Variants in RPS6KA2 observed in about 807,000 individuals in gnomAD.
RPS6KA2 encodes the protein ribosomal protein S6 kinase A2, also known as ribosomal protein S6 kinase alpha-2.
In RPS6KA2, 42 loss-of-function variants were observed where a neutral mutation model predicts 91.8. That is an observed-to-expected ratio of 0.46 (90% CI 0.36 to 0.59). RPS6KA2 has a LOEUF of 0.59. RPS6KA2 is among the 20% of genes least tolerant of loss of function. RPS6KA2 has a pLI of 0.00. For synonymous variants in RPS6KA2, 414 were observed against 393.6 expected, an observed-to-expected ratio of 1.05 and a Z score of -0.61; for missense variants, 798 against 978.5, an observed-to-expected ratio of 0.82 and a Z score of 2.46.
At chr6:166,545,828 T>G (rs964266642) in intron 1 of RPS6KA2, among the ~76,000 whole-genome samples, 5 of 152,222 alleles carry the variant, frequency 3.3e-5, no homozygotes, top group African/African-American at 1.2e-4. Flanking sequence ...CTGAAAGTTG[T>G]GCTTATAAAC....
At chr6:166,425,174 C>CTT (rs1486505555) in intron 16 of RPS6KA2, among the ~76,000 whole-genome samples, 1 of 152,144 alleles carries the variant, frequency 6.6e-6, no homozygotes, top group Non-Finnish European at 1.5e-5. Context: ...TTCCCATAGA[C>CTT]TTAGCTTCCC....
Position 166,767,833 on chromosome 6 carries a change from C to T in RPS6KA2, c.123+90367G>A, listed in dbSNP as rs577559627. ...CACACACACCCTGGTGTCAGGCAGCCGGCCACCACAGAGTGTGTGCGGGGA... is the reference window on the plus strand; with the variant it reads ...CACACACACCCTGGTGTCAGGCAGCTGGCCACCACAGAGTGTGTGCGGGGA... On this transcript the variant is annotated intron_variant, in intron 2 of 21. Transcript: ENST00000503859. The surrounding 1 kb of genome is among the most constrained non-coding windows in gnomAD (Gnocchi z 4.6). 5.9e-4 allele frequency among the ~76,000 whole-genome samples: 90 copies of T among 151,936 alleles called. No homozygotes were observed. Among genetic ancestry groups the T allele is most frequent in the Non-Finnish European group, 1.1e-3 (76 of 67,976 alleles).
intron 2 of RPS6KA2, among the ~76,000 whole-genome samples, chr6:166,689,145 C>T (rs974222837): frequency 7.9e-5 from 12 of 152,376 alleles, no homozygotes; most frequent in East Asian, 3.9e-4. Flanking sequence ...GCGCCAAAAG[C>T]GCTCCCCTAC....
In RPS6KA2 at chr6:166,488,916, T is replaced by C; in HGVS notation, c.824A>G (p.Lys275Arg). The C allele has an allele frequency of 6.2e-7, 1 of 1,613,112 alleles. No individual in the cohort carries two copies. The highest frequency in any genetic ancestry group is 8.5e-7 in the Non-Finnish European group (1 of 1,179,504). Residue 275 changes from lysine to arginine, a missense_variant, in exon 10 of 21, where the codon AAG becomes AGG. Physicochemically the swap from Lys to Arg is conservative, Grantham distance 26 (BLOSUM62 2). Coordinates refer to ENST00000265678, the MANE Select transcript of RPS6KA2 (RefSeq NM_021135.6). ...KETMALILKA[K>R]LGMPQFLSGE... The stretch of plus-strand genomic sequence containing the variant: ...ACTGAGGAACTGCGGCATCCCCAGC[T>C]TGGCTCTGAAAAACAAGATCCTATT...
chr6:166,772,716 C>CT (rs1213169110), intron 2 of RPS6KA2, among the ~76,000 whole-genome samples: 1 of 152,220 alleles, frequency 6.6e-6, no homozygotes, highest in Non-Finnish European at 1.5e-5. Context: ...ACAGATGGCG[C>CT]TACTAAGCCC....
At chr6:166,514,821 A>G (rs1199844971) in intron 3 of RPS6KA2, among the ~76,000 whole-genome samples, 2 of 152,154 alleles carry the variant, frequency 1.3e-5, no homozygotes, top group Non-Finnish European at 2.9e-5. Context: ...CTGAGAATAA[A>G]AAGAAGGGAG....
At chr6:166,691,863 G>T (rs1471986266) in intron 2 of RPS6KA2, among the ~76,000 whole-genome samples, 1 of 152,172 alleles carries the variant, frequency 6.6e-6, no homozygotes, top group Non-Finnish European at 1.5e-5. Context: ...AAGGAAATGA[G>T]AAATTGAAAT....
chr6:166,705,546 A>G (rs900072885), intron 2 of RPS6KA2, among the ~76,000 whole-genome samples: 7 of 152,256 alleles, frequency 4.6e-5, no homozygotes, highest in Admixed American at 1.3e-4. Context: ...AAAGATGCCC[A>G]TTAACATCAC....
At chr6:166,470,111 A>C (rs1312714861) in intron 10 of RPS6KA2, among the ~76,000 whole-genome samples, 1 of 152,194 alleles carries the variant, frequency 6.6e-6, no homozygotes, top group African/African-American at 2.4e-5. Context: ...AGGGCTTGTG[A>C]GGCAGAGGTG....
At chr6:166,455,510 G>C (rs1017158093) in intron 12 of RPS6KA2, among the ~76,000 whole-genome samples, 1 of 152,216 alleles carries the variant, frequency 6.6e-6, no homozygotes, top group Admixed American at 6.5e-5. Flanking sequence ...GTCACCCCAG[G>C]TAGATGCCCA....
intron 2 of RPS6KA2, among the ~76,000 whole-genome samples, chr6:166,699,536 G>T (rs537699569): frequency 4.6e-5 from 7 of 152,274 alleles, no homozygotes; most frequent in African/African-American, 1.7e-4. Flanking sequence ...TCTTTTTAAA[G>T]GGTGATATAT....
chr6:166,667,731 A>G (rs1788354371), intron 2 of RPS6KA2, among the ~76,000 whole-genome samples: 1 of 152,236 alleles, frequency 6.6e-6, no homozygotes, highest in Non-Finnish European at 1.5e-5. Flanking sequence ...AACTGGGTAG[A>G]ATCAGCAACT....
chr6:166,832,952 T>C (rs886317392), intron 2 of RPS6KA2, among the ~76,000 whole-genome samples: 15 of 152,250 alleles, frequency 9.9e-5, no homozygotes, highest in African/African-American at 4.8e-5. Context: ...GCCAATATGT[T>C]TGAAAGCAGC....
intron 2 of RPS6KA2, among the ~76,000 whole-genome samples, chr6:166,793,128 C>G (rs1227584744): frequency 2.0e-5 from 3 of 152,122 alleles, no homozygotes; most frequent in Non-Finnish European, 4.4e-5. Flanking sequence ...CCCAAAATCT[C>G]CTTAAGCTGA....
intron 2 of RPS6KA2, among the ~76,000 whole-genome samples, chr6:166,842,904 C>G (rs1269656457): frequency 1.3e-5 from 2 of 152,080 alleles, no homozygotes; most frequent in Admixed American, 6.5e-5. Flanking sequence ...ATCCACGGAC[C>G]CTTTGAAGGA....
At chr6:166,757,350 G>A (rs1778043283) in intron 2 of RPS6KA2, among the ~76,000 whole-genome samples, 1 of 152,158 alleles carries the variant, frequency 6.6e-6, no homozygotes, top group South Asian at 2.1e-4. Context: ...AGCCAGACAT[G>A]AGGACCTGCT....
At position 166,602,073 on chromosome 6, in the gene RPS6KA2, G is replaced by A. The variant is rs139593132; in HGVS notation, c.99+24848C>T. 2.3e-3 allele frequency among the ~76,000 whole-genome samples: 346 copies of A among 152,332 alleles called. 1 individual carries two copies. The highest frequency in any genetic ancestry group is 7.8e-3 in the African/African-American group (325 of 41,582). On this transcript the variant is annotated intron_variant, in intron 1 of 20. Coordinates refer to ENST00000265678, the MANE Select transcript of RPS6KA2 (RefSeq NM_021135.6). ...CAGGAACACTGTATAGATGGGGAAC[G>A]CAAAGAGAACTATCAATGCCCCTGA...
At chr6:166,566,774 G>T (rs1784518136) in intron 1 of RPS6KA2, among the ~76,000 whole-genome samples, 1 of 152,218 alleles carries the variant, frequency 6.6e-6, no homozygotes, top group South Asian at 2.1e-4. Context: ...CTCTGAGCCA[G>T]TCCCTGACAG....
At position 166,508,400 on chromosome 6, in the gene RPS6KA2, A is replaced by T. The variant is rs1782339423; in HGVS notation, c.380-118T>A. The T allele has an allele frequency of 1.5e-6, 1 of 680,388 alleles. No homozygotes were observed. Among genetic ancestry groups the T allele is most frequent in the Admixed American group, 2.3e-5 (1 of 43,086 alleles). 42.1% of individuals were successfully genotyped at this position (680,388 alleles called of 1,614,324 possible). A position where few individuals can be genotyped will look rare whatever the true frequency, so the allele number is the denominator to read the frequency against. Reference sequence around the variant, plus strand: ...CTCCGGGAGGCTGAGTCACTTGAGAAACGGCAGGACCCCGGCTGGTGACCA... The same window carrying T: ...CTCCGGGAGGCTGAGTCACTTGAGATACGGCAGGACCCCGGCTGGTGACCA... On this transcript the variant is annotated intron_variant, in intron 4 of 20. Transcript: ENST00000265678. The surrounding 1 kb of genome is among the most constrained non-coding windows in gnomAD (Gnocchi z 4.3).
Sources: gnomAD v4.1 joint callset for allele counts (sites outside exome capture counted in the v4.1 genomes callset) on GRCh38, gnomAD v4.1.1 for gene constraint, Gnocchi (gnomAD v3.1) non-coding constraint, MANE v1.5 for transcripts, NCBI Gene and HGNC (gene_info 2026-07-23, HGNC 2026-07-21) for gene names.